Variants in ROBO2 observed in about 807,000 individuals in gnomAD.
ROBO2 encodes the protein roundabout guidance receptor 2, also known as roundabout homolog 2.
A neutral mutation model predicts 160.8 loss-of-function variants in ROBO2; 53 were observed. That is an observed-to-expected ratio of 0.33 (90% CI 0.26 to 0.41). The LOEUF (loss-of-function observed/expected upper bound fraction) is 0.41. Ranked by LOEUF, ROBO2 falls within the 10% of genes least tolerant of loss-of-function variation. The pLI, the probability that ROBO2 is intolerant of heterozygous loss-of-function variation, is 1.00. For synonymous variants in ROBO2, 664 were observed against 611.7 expected, an observed-to-expected ratio of 1.09 and a Z score of -1.26; for missense variants, 1,577 against 1,722.4, an observed-to-expected ratio of 0.92 and a Z score of 1.49.
intron 2 of ROBO2, among the ~76,000 whole-genome samples, chr3:76,939,389 A>T (rs2077997886): frequency 6.6e-6 from 1 of 152,218 alleles, no homozygotes; most frequent in South Asian, 2.1e-4. Flanking sequence ...AAACATTCTG[A>T]TAAATGAAGA....
At chr3:76,685,779 C>T (rs192090126) in intron 2 of ROBO2, among the ~76,000 whole-genome samples, 50 of 152,002 alleles carry the variant, frequency 3.3e-4, no homozygotes, top group Non-Finnish European at 6.0e-4. Flanking sequence ...GCAATTAATC[C>T]TTAGACAAAG....
chr3:77,170,320 T>A (rs1368282840), intron 2 of ROBO2, among the ~76,000 whole-genome samples: 1 of 152,188 alleles, frequency 6.6e-6, no homozygotes, highest in Non-Finnish European at 1.5e-5. Flanking sequence ...TGCATTTTAT[T>A]TTTAAAAGAA....
chr3:77,215,915 G>A (rs753846928), intron 2 of ROBO2, among the ~76,000 whole-genome samples: 69 of 152,302 alleles, frequency 4.5e-4, no homozygotes, highest in Admixed American at 1.5e-3. Context: ...AACAGCAAAT[G>A]TTGCTGCCTG....
intron 2 of ROBO2, among the ~76,000 whole-genome samples, chr3:77,356,701 A>T (rs550067939): frequency 4.6e-5 from 7 of 152,296 alleles, no homozygotes; most frequent in African/African-American, 1.7e-4. Context: ...ATATGCAAGG[A>T]ATGATACCAT....
intron 2 of ROBO2, among the ~76,000 whole-genome samples, chr3:75,995,765 G>T (rs1230805586): frequency 1.3e-5 from 2 of 152,200 alleles, no homozygotes; most frequent in Non-Finnish European, 2.9e-5. Context: ...ACCCTGAAAA[G>T]CCTCATGGGC....
chr3:77,179,347 C>T (rs2080472179), intron 2 of ROBO2, among the ~76,000 whole-genome samples: 1 of 151,168 alleles, frequency 6.6e-6, no homozygotes, highest in Non-Finnish European at 1.5e-5. Context: ...GACTCATGTA[C>T]GTATTTCCTT....
chr3:76,266,915 T>A (rs1179632524), intron 2 of ROBO2, among the ~76,000 whole-genome samples: 1 of 152,190 alleles, frequency 6.6e-6, no homozygotes, highest in African/African-American at 2.4e-5. Context: ...ACTCTAATCC[T>A]TAGGAAATAG....
intron 2 of ROBO2, among the ~76,000 whole-genome samples, chr3:77,164,659 G>T (rs1355135085): frequency 1.6e-4 from 19 of 121,400 alleles, no homozygotes; most frequent in African/African-American, 5.7e-4. Flanking sequence ...CCGGGAGGGA[G>T]GTGGGGGGGT....
intron 2 of ROBO2, among the ~76,000 whole-genome samples, chr3:77,384,598 T>G (rs2073905460): frequency 6.6e-6 from 1 of 152,188 alleles, no homozygotes; most frequent in Non-Finnish European, 1.5e-5. Context: ...TTGTACCTTA[T>G]TAGTCTATAT....
intron 2 of ROBO2, among the ~76,000 whole-genome samples, chr3:76,580,451 ATT>A (rs1257290600): frequency 1.4e-5 from 2 of 147,518 alleles, no homozygotes; most frequent in African/African-American, 5.0e-5. Flanking sequence ...TGATCATACC[ATT>A]TAACCAAACT....
At chr3:76,855,563 A>T (rs2069967157) in intron 2 of ROBO2, among the ~76,000 whole-genome samples, 1 of 152,066 alleles carries the variant, frequency 6.6e-6, no homozygotes, top group Non-Finnish European at 1.5e-5. Flanking sequence ...TGGTGTATAT[A>T]TTTTTTTCTT....
intron 2 of ROBO2, among the ~76,000 whole-genome samples, chr3:76,382,089 C>G (rs1262936917): frequency 6.6e-6 from 1 of 152,068 alleles, no homozygotes; most frequent in Admixed American, 6.6e-5. Flanking sequence ...CTCCCACCTA[C>G]CTAGTAGCTG....
At chr3:76,128,336 T>TA (rs1373684073) in intron 2 of ROBO2, among the ~76,000 whole-genome samples, 1 of 152,060 alleles carries the variant, frequency 6.6e-6, no homozygotes, top group East Asian at 1.9e-4. Flanking sequence ...AAGTTTCTCT[T>TA]ACGAAAAAGA....
intron 2 of ROBO2, among the ~76,000 whole-genome samples, chr3:76,215,955 T>G (rs1479515984): frequency 1.3e-5 from 2 of 152,180 alleles, no homozygotes; most frequent in Admixed American, 6.5e-5. Flanking sequence ...GACTAACAGC[T>G]GATCTCTCAG....
intron 16 of ROBO2, among the ~76,000 whole-genome samples, chr3:77,585,042 C>A (rs1226581834): frequency 1.3e-5 from 2 of 150,186 alleles, no homozygotes; most frequent in Non-Finnish European, 1.5e-5. Flanking sequence ...ATCTGTATAT[C>A]TTTATGAAAT....
At chr3:76,474,177 T>A (rs964995249) in intron 2 of ROBO2, among the ~76,000 whole-genome samples, 3 of 152,152 alleles carry the variant, frequency 2.0e-5, no homozygotes, top group Admixed American at 1.3e-4. Flanking sequence ...ATAGGGTGAT[T>A]AATTTCATGT....
intron 2 of ROBO2, among the ~76,000 whole-genome samples, chr3:76,674,376 G>T (rs1560352080): frequency 6.6e-6 from 1 of 151,910 alleles, no homozygotes; most frequent in East Asian, 1.9e-4. Flanking sequence ...AACGTGTAGT[G>T]CTGGGCACCA....
intron 2 of ROBO2, among the ~76,000 whole-genome samples, chr3:76,316,774 T>A (rs917395018): frequency 5.9e-5 from 9 of 152,182 alleles, no homozygotes; most frequent in Admixed American, 2.6e-4. Context: ...ATTATAAAAG[T>A]ATTAATTTTG....
At chr3:76,176,629 T>C (rs2073243004) in intron 2 of ROBO2, among the ~76,000 whole-genome samples, 1 of 152,146 alleles carries the variant, frequency 6.6e-6, no homozygotes, top group Non-Finnish European at 1.5e-5. Context: ...AGATATTAGG[T>C]TCCTCAAAAC....
Sources: gnomAD v4.1 joint callset for allele counts (sites outside exome capture counted in the v4.1 genomes callset) on GRCh38, gnomAD v4.1.1 for gene constraint, MANE v1.5 for transcripts, NCBI Gene and HGNC (gene_info 2026-07-23, HGNC 2026-07-21) for gene names.